RPS6KA2: variants seen among roughly 807,000 people sequenced by gnomAD.
The protein encoded by RPS6KA2 is ribosomal protein S6 kinase alpha-2.
Under a neutral mutation model 91.8 loss-of-function variants are expected in RPS6KA2, and 42 were observed. That is an observed-to-expected ratio of 0.46 (90% CI 0.36 to 0.59). RPS6KA2 has a LOEUF of 0.59. Ranked by LOEUF, RPS6KA2 falls within the 20% of genes least tolerant of loss-of-function variation. RPS6KA2 has a pLI of 0.00. For missense variants in RPS6KA2, 798 were observed against 978.5 expected (o/e 0.82, Z 2.46); for synonymous variants, 414 against 393.6 (o/e 1.05, Z -0.61).
rs1165925426 is a variant in RPS6KA2, at chr6:166,639,527, C to T, written c.124-100743G>A. Among the ~76,000 whole-genome samples, 1 of 152,180 alleles carries T rather than the reference C, an allele frequency of 6.6e-6. No homozygotes were observed. Among genetic ancestry groups the T allele is most frequent in the East Asian group, 1.9e-4 (1 of 5,200 alleles). ...AGTTACCCCAGGGCATGCATAGCTC[C>T]AGAGCTTGGAAGCTTGGAAGCCCCA... On this transcript the variant is annotated intron_variant, in intron 2 of 21. Transcript: ENST00000503859. This position sits in a 1 kb window ranked among gnomAD's most constrained non-coding sequence, Gnocchi z 4.2.
At chr6:166,679,806 T>C (rs9366045) in intron 2 of RPS6KA2, among the ~76,000 whole-genome samples, 72,522 of 152,062 alleles carry the variant, frequency 0.48, 18,432 homozygotes, top group African/African-American at 0.67. Context: ...GCTCACTGGC[T>C]GGCGCGGGTT....
chr6:166,861,619 T>C (rs954068100), intron 1 of RPS6KA2, among the ~76,000 whole-genome samples: 3 of 152,256 alleles, frequency 2.0e-5, no homozygotes, highest in South Asian at 4.1e-4. Flanking sequence ...TTCATCCTTT[T>C]AAGGTTGCAT....
At chr6:166,811,290 G>A (rs1263437188) in intron 2 of RPS6KA2, among the ~76,000 whole-genome samples, 1 of 152,222 alleles carries the variant, frequency 6.6e-6, no homozygotes, top group Admixed American at 6.5e-5. Flanking sequence ...CTGGTTCCCT[G>A]TTGGCCTCAG....
chr6:166,640,454 C>T (rs1194815051), intron 2 of RPS6KA2, among the ~76,000 whole-genome samples: 2 of 152,150 alleles, frequency 1.3e-5, no homozygotes, highest in Admixed American at 6.5e-5. Flanking sequence ...GGGAGAGGCG[C>T]GCCCTGTGGT....
At chr6:166,657,242 G>T (rs1788030220) in intron 2 of RPS6KA2, among the ~76,000 whole-genome samples, 1 of 152,056 alleles carries the variant, frequency 6.6e-6, no homozygotes, top group Non-Finnish European at 1.5e-5. Flanking sequence ...AGAATAACAA[G>T]CAAAGTTAGA....
At position 166,500,406 on chromosome 6, in the gene RPS6KA2, C is replaced by T. The variant is rs74963671; in HGVS notation, c.604+481G>A. On this transcript the variant is annotated intron_variant, in intron 7 of 20. Coordinates refer to ENST00000265678, the MANE Select transcript of RPS6KA2 (RefSeq NM_021135.6). The surrounding 1 kb of genome is among the most constrained non-coding windows in gnomAD (Gnocchi z 4.3). ...CAGATGGAAACAGGGAGGGAAGTCACGTGGCCACCACCACGGTCCAGGGAG... is the reference window on the plus strand; with the variant it reads ...CAGATGGAAACAGGGAGGGAAGTCATGTGGCCACCACCACGGTCCAGGGAG... Among the ~76,000 whole-genome samples the T allele has an allele frequency of 2.9e-3, 445 of 152,296 alleles. 6 individuals are homozygous for T. Among genetic ancestry groups the T allele is most frequent in the African/African-American group, 1.0e-2 (414 of 41,546 alleles).
At chr6:166,507,147 T>G (rs150587591) in intron 5 of RPS6KA2, among the ~76,000 whole-genome samples, 2 of 152,174 alleles carry the variant, frequency 1.3e-5, no homozygotes, top group African/African-American at 4.8e-5. Flanking sequence ...TACCTCCCTC[T>G]TCCCTCCCTC....
intron 6 of RPS6KA2, among the ~76,000 whole-genome samples, chr6:166,501,182 G>C (rs749917675): frequency 1.3e-5 from 2 of 152,224 alleles, no homozygotes; most frequent in Non-Finnish European, 2.9e-5. Flanking sequence ...GCAGCTGGAG[G>C]ACTGCTGGCT....
chr6:166,708,150 GT>G (rs937414595), intron 2 of RPS6KA2, among the ~76,000 whole-genome samples: 1 of 151,960 alleles, frequency 6.6e-6, no homozygotes, highest in Admixed American at 6.6e-5. Flanking sequence ...AAATATTTGT[GT>G]TTTTTATTGG....
chr6:166,639,061 T>C lies in RPS6KA2; in HGVS notation c.124-100277A>G, dbSNP rs1048335530. Among the ~76,000 whole-genome samples the C allele has an allele frequency of 1.3e-5, 2 of 152,206 alleles. No individual in the cohort carries two copies. The highest frequency in any genetic ancestry group is 2.9e-5 in the Non-Finnish European group (2 of 68,036). ...GCAATTTCATGCAGTTAAACCAATA[T>C]GTGGAAGGGCTTTATAAATCATAAG... is the stretch of plus-strand genomic sequence containing the variant. On this transcript the variant is annotated intron_variant, in intron 2 of 21. Coordinates refer to the RPS6KA2 transcript ENST00000503859. The surrounding 1 kb of genome is among the most constrained non-coding windows in gnomAD (Gnocchi z 4.2).
rs190616202 is a variant in RPS6KA2 at position 166,733,839 on chromosome 6, T to C, written c.123+124361A>G. On this transcript the variant is annotated intron_variant, in intron 2 of 21. Transcript: ENST00000503859. The surrounding 1 kb of genome is among the most constrained non-coding windows in gnomAD (Gnocchi z 4.1). ...TGCGTTTTTCTGTTTATAAAGCGGA[T>C]ATGAGCAGGTTTACAGGCTGAACAG... is the stretch of plus-strand genomic sequence containing the variant. Among the ~76,000 whole-genome samples the C allele has an allele frequency of 1.4e-4, 21 of 152,240 alleles. No homozygotes were observed. Among genetic ancestry groups the C allele is most frequent in the Admixed American group, 5.2e-4 (8 of 15,302 alleles).
chr6:166,595,529 G>A (rs1401408897), intron 1 of RPS6KA2, among the ~76,000 whole-genome samples: 2 of 152,200 alleles, frequency 1.3e-5, no homozygotes, highest in Non-Finnish European at 1.5e-5. Context: ...CTTGTGATTG[G>A]AAGCCCTTTT....
intron 1 of RPS6KA2, among the ~76,000 whole-genome samples, chr6:166,567,885 T>G (rs1488780609): frequency 6.6e-6 from 1 of 152,158 alleles, no homozygotes; most frequent in Non-Finnish European, 1.5e-5. Context: ...AAAAATGGAT[T>G]AGAGAAACCT....
intron 2 of RPS6KA2, among the ~76,000 whole-genome samples, chr6:166,752,314 G>A (rs560837799): frequency 5.3e-5 from 8 of 152,286 alleles, no homozygotes; most frequent in South Asian, 2.1e-4. Flanking sequence ...CACAGTCACC[G>A]CAGAGCAAGA....
rs915843671 is a variant in RPS6KA2 at position 166,508,471 on chromosome 6, G to A, written c.380-189C>T. Among the ~76,000 whole-genome samples, 47 of 64,714 alleles carry A rather than the reference G, an allele frequency of 7.3e-4. No homozygotes were observed. Among genetic ancestry groups the A allele is most frequent in the Admixed American group, 1.6e-3 (10 of 6,202 alleles). 42.5% of individuals were successfully genotyped at this position (64,714 alleles called of 152,430 possible). A position where few individuals can be genotyped will look rare whatever the true frequency, so the allele number is the denominator to read the frequency against. The stretch of plus-strand genomic sequence containing the variant: ...GCAGAGGGGGTCTGACACTGTGAGC[G>A]CTGCCCCTCTCTCACTGTCGTTAGG... On this transcript the variant is annotated intron_variant, in intron 4 of 20. Transcript: ENST00000265678. This position sits in a 1 kb window ranked among gnomAD's most constrained non-coding sequence, Gnocchi z 4.3.
intron 1 of RPS6KA2, among the ~76,000 whole-genome samples, chr6:166,588,211 G>A (rs539735965): frequency 2.0e-4 from 30 of 150,906 alleles, no homozygotes; most frequent in African/African-American, 6.8e-4. Context: ...GGTTTAAAAA[G>A]AGGAACAAGG....
intron 10 of RPS6KA2, among the ~76,000 whole-genome samples, chr6:166,480,521 T>TAATATATA (rs58223795): frequency 9.0e-6 from 1 of 111,388 alleles, no homozygotes; most frequent in African/African-American, 4.2e-5. Flanking sequence ...ATATAATATA[T>TAATATATA]TTTTTTTTTT....
intron 1 of RPS6KA2, among the ~76,000 whole-genome samples, chr6:166,607,534 A>G (rs780175105): frequency 1.2e-4 from 19 of 152,160 alleles, no homozygotes; most frequent in African/African-American, 2.9e-4. Flanking sequence ...AAAACCCCAC[A>G]TTGTATGATT....
At position 166,603,359 on chromosome 6, in the gene RPS6KA2, C is replaced by T. The variant is rs76633559; in HGVS notation, c.99+23562G>A. ...TAGCATAATTAAACCAGGAACTCAG[C>T]GCAGCCTCAGAGTGCGTGGGGTGGG... is the stretch of plus-strand genomic sequence containing the variant. On this transcript the variant is annotated intron_variant, in intron 1 of 20. Coordinates refer to ENST00000265678, the MANE Select transcript of RPS6KA2 (RefSeq NM_021135.6). The surrounding 1 kb of genome is among the most constrained non-coding windows in gnomAD (Gnocchi z 4.3). Among the ~76,000 whole-genome samples, 2 of 152,258 alleles carry T rather than the reference C, an allele frequency of 1.3e-5. No homozygotes were observed. Among genetic ancestry groups the T allele is most frequent in the African/African-American group, 2.4e-5 (1 of 41,540 alleles).
Sources: allele counts gnomAD v4.1 joint callset (sites outside exome capture counted in the v4.1 genomes callset), GRCh38; gene constraint gnomAD v4.1.1; non-coding constraint Gnocchi (gnomAD v3.1); transcripts MANE v1.5; gene names NCBI Gene and HGNC (gene_info 2026-07-23, HGNC 2026-07-21).